DROSHA: variants seen among roughly 807,000 people sequenced by gnomAD.
The protein encoded by DROSHA is drosha ribonuclease III, also known as ribonuclease 3.
DROSHA carries 56 observed loss-of-function variants against 181.9 expected under a neutral mutation model. The observed-to-expected ratio is 0.31, with a 90% confidence interval of 0.25 to 0.38. The LOEUF (loss-of-function observed/expected upper bound fraction) is 0.38, where lower values mean the gene tolerates loss of function less well. Among genes scored for constraint, DROSHA ranks in the 10% least tolerant of loss-of-function variants. DROSHA has a pLI of 1.00. For missense variants in DROSHA, 1,218 were observed against 1,743.5 expected, an observed-to-expected ratio of 0.70 and a Z score of 5.37; for synonymous variants, 524 against 591.2, an observed-to-expected ratio of 0.89 and a Z score of 1.65.
intron 30 of DROSHA, among the ~76,000 whole-genome samples, chr5:31,415,562 G>T (rs1026250930): frequency 6.6e-6 from 1 of 152,148 alleles, no homozygotes; most frequent in Admixed American, 6.5e-5. Flanking sequence ...CATCAGGGCA[G>T]GATTAGATCA....
In DROSHA at chr5:31,409,170, C is replaced by T; in HGVS notation, c.3751-11G>A. ...ATTCAAAATGAACTCCTGTGGAAGT[C>T]CCCCAAAACTATTTAGTAATGGGTT... On this transcript the variant is annotated splice_polypyrimidine_tract_variant and intron_variant, in intron 32 of 35. Transcript: ENST00000344624. This position sits in a 1 kb window ranked among gnomAD's most constrained non-coding sequence, Gnocchi z 4.0. The T allele has an allele frequency of 5.0e-6, 8 of 1,612,884 alleles. No individual in the cohort carries two copies. Among genetic ancestry groups the T allele is most frequent in the Non-Finnish European group, 6.8e-6 (8 of 1,179,422 alleles).
intron 16 of DROSHA, among the ~76,000 whole-genome samples, chr5:31,478,545 C>T (rs915746885): frequency 1.3e-5 from 2 of 152,098 alleles, no homozygotes; most frequent in African/African-American, 2.4e-5. Flanking sequence ...ACCAGCCTGA[C>T]CAACATGGCA....
At chr5:31,422,493 C>A (rs1327850688) in intron 29 of DROSHA, among the ~76,000 whole-genome samples, 2 of 152,172 alleles carry the variant, frequency 1.3e-5, no homozygotes, top group Admixed American at 1.3e-4. Flanking sequence ...GGCCACATGG[C>A]CCACAAAACC....
intron 15 of DROSHA, 120 bp from the exon 16 acceptor site, chr5:31,483,748 A>AT: frequency 1.0e-6 from 1 of 966,160 alleles, no homozygotes; most frequent in East Asian, 2.6e-5. Context: ...AAGTAGAGGC[A>AT]TAAAAATTAC....
At chr5:31,511,664 T>C (rs975958029) in intron 8 of DROSHA, among the ~76,000 whole-genome samples, 16 of 150,902 alleles carry the variant, frequency 1.1e-4, no homozygotes, top group African/African-American at 3.7e-4. Context: ...TGTGCCACTA[T>C]ACTCTAGCCT....
chr5:31,509,996 G>A (rs767270841), intron 9 of DROSHA, among the ~76,000 whole-genome samples: 21 of 144,374 alleles, frequency 1.5e-4, no homozygotes, highest in African/African-American at 3.1e-4. Context: ...TGAACTGTAC[G>A]CTTAAAAATA....
rs1476258834 is a variant in DROSHA at position 31,424,445 on chromosome 5, A to G, written c.3243T>C (p.Tyr1081=). The G allele has an allele frequency of 1.9e-6, 3 of 1,598,704 alleles. No homozygotes were observed. Among genetic ancestry groups the G allele is most frequent in the African/African-American group, 2.7e-5 (2 of 74,704 alleles). ...TACTTACTTGGAGTGGGTGGAGAGG[A>G]TAATTGAGCCAGACTTCGCGCAGGT... ...DPDLREVWLN[Y]PLHPLQLQEP... Residue 1081 remains tyrosine (Y), a synonymous_variant, in exon 28 of 36, where the codon TAT becomes TAC. Coordinates refer to ENST00000344624, the MANE Select transcript of DROSHA (RefSeq NM_001382508.1).
At chr5:31,491,863 C>T (rs1580282755) in intron 13 of DROSHA, among the ~76,000 whole-genome samples, 1 of 152,160 alleles carries the variant, frequency 6.6e-6, no homozygotes, top group Admixed American at 6.5e-5. Flanking sequence ...AGCATGATCT[C>T]GGCTCACTGA....
chr5:31,446,859 G>A (rs1746368171), intron 23 of DROSHA, among the ~76,000 whole-genome samples: 1 of 152,130 alleles, frequency 6.6e-6, no homozygotes, highest in Non-Finnish European at 1.5e-5. Flanking sequence ...GGCCAACATG[G>A]CGAAACCTCG....
chr5:31,416,043 C>T (rs1580003406), intron 30 of DROSHA, among the ~76,000 whole-genome samples: 1 of 152,170 alleles, frequency 6.6e-6, no homozygotes, highest in Non-Finnish European at 1.5e-5. Context: ...TTTTCCCCAT[C>T]AGCATTCAAA....
chr5:31,405,809 G>GGCT (rs1740587663), intron 34 of DROSHA, 86 bp from the exon 35 acceptor site: 1 of 1,084,004 alleles, frequency 9.2e-7, no homozygotes, highest in African/African-American at 2.0e-5. Flanking sequence ...TGCAAGGTAT[G>GGCT]GCTACAAATC....
intron 11 of DROSHA, 105 bp from the exon 12 acceptor site, chr5:31,495,477 G>A: frequency 5.7e-6 from 6 of 1,058,468 alleles, no homozygotes; most frequent in Non-Finnish European, 8.2e-6. Flanking sequence ...CAGGTTTTAT[G>A]TCTGTTCCTT....
chr5:31,405,558 T>C, intron 35 of DROSHA, 119 bp downstream of exon 35: 1 of 929,048 alleles, frequency 1.1e-6, no homozygotes, highest in Non-Finnish European at 1.6e-6. Context: ...TAAAGAATAA[T>C]TCTGAAGAAA....
At chr5:31,483,100 CT>C (rs1393499169) in intron 16 of DROSHA, among the ~76,000 whole-genome samples, 1 of 151,886 alleles carries the variant, frequency 6.6e-6, no homozygotes, top group South Asian at 2.1e-4. Context: ...TATTTTATAC[CT>C]TTTTTTCACT....
At chr5:31,457,316 C>T (rs931647110) in intron 20 of DROSHA, among the ~76,000 whole-genome samples, 2 of 151,520 alleles carry the variant, frequency 1.3e-5, no homozygotes, top group African/African-American at 2.4e-5. Context: ...GTAGAGACAG[C>T]GTTTCACCAT....
chr5:31,421,316 A>G lies in DROSHA; in HGVS notation c.3481T>C (p.Tyr1161His). 1 of 1,613,640 alleles carries G rather than the reference A, an allele frequency of 6.2e-7. No individual in the cohort carries two copies. The highest frequency in any genetic ancestry group is 1.1e-5 in the South Asian group (1 of 91,062). The stretch of plus-strand genomic sequence containing the variant: ...TGATCTGGGAAATGAATGAATAAGT[A>G]CTCTGTGGCTACCAGTTGCATTATG... ...DSIMQLVATE[Y>H]LFIHFPDHHE... The change falls in exon 30 of 36, where the codon TAC becomes CAC. Residue 1161 changes from tyrosine (Y) to histidine (H), a missense_variant. Around this residue, in one of 8 missense-constraint regions of DROSHA, gnomAD observed 23 missense variants for 90.6 expected, o/e 0.25. Coordinates refer to ENST00000344624, the MANE Select transcript of DROSHA (RefSeq NM_001382508.1).
intron 25 of DROSHA, among the ~76,000 whole-genome samples, chr5:31,434,130 G>A (rs1307955476): frequency 6.6e-6 from 1 of 152,186 alleles, no homozygotes; most frequent in Non-Finnish European, 1.5e-5. Context: ...ATCCCTGAAG[G>A]GAGAAACTAG....
intron 12 of DROSHA, 21 bp from the exon 13 acceptor site, chr5:31,493,314 G>T: frequency 6.4e-7 from 1 of 1,572,048 alleles, no homozygotes; most frequent in Non-Finnish European, 8.6e-7. Context: ...ACAGAAACAC[G>T]AACCCCAAAT....
chr5:31,484,750 A>G, intron 15 of DROSHA, 131 bp downstream of exon 15: 4 of 663,792 alleles, frequency 6.0e-6, no homozygotes, highest in Non-Finnish European at 1.0e-5. Context: ...CCTGTGAATA[A>G]CACTTTTCTC....
Sources: gnomAD v4.1 joint callset for allele counts (sites outside exome capture counted in the v4.1 genomes callset) on GRCh38, gnomAD v4.1.1 for gene constraint, gnomAD v4.1.1 regional missense constraint, Gnocchi (gnomAD v3.1) non-coding constraint, MANE v1.5 for transcripts, NCBI Gene and HGNC (gene_info 2026-07-23, HGNC 2026-07-21) for gene names.